Variants in ADAMTSL3 observed in about 807,000 individuals in gnomAD.
ADAMTSL3 encodes the protein ADAMTS like 3.
ADAMTSL3 carries 128 observed loss-of-function variants against 201.7 expected under a neutral mutation model. That is an observed-to-expected ratio of 0.63 (90% CI 0.55 to 0.73). The LOEUF is 0.73. Ranked by LOEUF, ADAMTSL3 falls within the 30% of genes least tolerant of loss-of-function variation. The pLI is 0.00. For missense variants in ADAMTSL3, 1,990 were observed against 2,119.6 expected, an observed-to-expected ratio of 0.94 and a Z score of 1.20; for synonymous variants, 738 against 748.4, an observed-to-expected ratio of 0.99 and a Z score of 0.23.
chr15:83,910,533 G>T (rs554697867), intron 15 of ADAMTSL3, among the ~76,000 whole-genome samples: 54 of 148,876 alleles, frequency 3.6e-4, no homozygotes, highest in Non-Finnish European at 5.8e-4. Context: ...CTTTTTAACA[G>T]GACTTTTAAA....
intron 3 of ADAMTSL3, among the ~76,000 whole-genome samples, chr15:83,716,339 C>G (rs1435437428): frequency 9.9e-6 from 1 of 100,894 alleles, no homozygotes; most frequent in Non-Finnish European, 1.8e-5. Context: ...CCTGTCTCTA[C>G]TAAAAACACA....
At chr15:84,008,535 T>C (rs1280047639) in intron 23 of ADAMTSL3, among the ~76,000 whole-genome samples, 2 of 152,166 alleles carry the variant, frequency 1.3e-5, no homozygotes, top group African/African-American at 4.8e-5. Context: ...GTAGCCTCCT[T>C]TGTCCCACCT....
intron 24 of ADAMTSL3, among the ~76,000 whole-genome samples, chr15:84,015,109 CTAATTTTTGTATTTT>C: frequency 6.6e-6 from 1 of 152,122 alleles, no homozygotes; most frequent in South Asian, 2.1e-4. Context: ...CCATGCCCAG[CTAATTTTTGTATTTT>C]TAGTAGAGAT....
chr15:83,968,869 T>C (rs924826788), intron 19 of ADAMTSL3, among the ~76,000 whole-genome samples: 4 of 152,198 alleles, frequency 2.6e-5, no homozygotes, highest in Non-Finnish European at 5.9e-5. Flanking sequence ...TGGATGGAAC[T>C]GGAGACCATC....
intron 3 of ADAMTSL3, among the ~76,000 whole-genome samples, chr15:83,739,571 C>T (rs1044853466): frequency 2.0e-5 from 3 of 151,378 alleles, no homozygotes; most frequent in African/African-American, 4.9e-5. Context: ...TATCTTTTTA[C>T]GTATATGAAA....
Position 84,014,704 on chromosome 15 carries a change from C to G in ADAMTSL3, c.4136C>G (p.Thr1379Arg). 1 of 1,611,488 alleles carries G rather than the reference C, an allele frequency of 6.2e-7. No homozygotes were observed. Among genetic ancestry groups the G allele is most frequent in the South Asian group, 1.1e-5 (1 of 90,408 alleles). ...AATGCTCTTGGAAAGGCAGTGGCAA[C>G]ATCTGTACTCCACTTGCTGGGTAAG... is the stretch of plus-strand genomic sequence containing the variant. ...ATNALGKAVA[T>R]SVLHLLERRW... The change falls in exon 24 of 30, where the codon ACA (threonine) becomes AGA (arginine). Residue 1379 changes from threonine to arginine, a missense_variant. Coordinates refer to ENST00000286744, the MANE Select transcript of ADAMTSL3 (RefSeq NM_207517.3).
intron 3 of ADAMTSL3, among the ~76,000 whole-genome samples, chr15:83,710,468 C>T (rs2061919169): frequency 6.6e-6 from 1 of 152,090 alleles, no homozygotes. Flanking sequence ...GTCCTCCAAC[C>T]TCCCTCCCCC....
At chr15:83,884,866 A>T (rs952527282) in intron 9 of ADAMTSL3, among the ~76,000 whole-genome samples, 4 of 152,140 alleles carry the variant, frequency 2.6e-5, no homozygotes, top group Non-Finnish European at 5.9e-5. Flanking sequence ...ACAGGCATGG[A>T]ATTATCTGGA....
intron 6 of ADAMTSL3, among the ~76,000 whole-genome samples, chr15:83,835,784 TG>T (rs1240719281): frequency 6.6e-6 from 1 of 152,364 alleles, no homozygotes; most frequent in Non-Finnish European, 1.5e-5. Context: ...TACTTGTAAA[TG>T]TTAATTTAAT....
In ADAMTSL3 at chr15:83,823,972, T is replaced by TCTC. The variant is rs1186674867; in HGVS notation, c.600+3943_600+3945dup. On this transcript the variant is annotated intron_variant, in intron 6 of 29. Coordinates refer to ENST00000286744, the MANE Select transcript of ADAMTSL3 (RefSeq NM_207517.3). ...TTCTTCTTCTTCTTCTTCTTCTTCT[T>TCTC]CTCCTCCTCCTCCTCCTCCTTCTCC... Among the ~76,000 whole-genome samples, 460 of 71,154 alleles carry TCTC rather than the reference T, an allele frequency of 6.5e-3. 18 individuals are homozygous for TCTC. Among genetic ancestry groups the TCTC allele is most frequent in the Non-Finnish European group, 8.3e-3 (233 of 28,044 alleles). 46.7% of individuals were successfully genotyped at this position (71,154 alleles called of 152,430 possible).
Position 83,890,240 on chromosome 15 carries a change from C to A in ADAMTSL3, c.1204C>A (p.Pro402Thr). 1 of 1,613,472 alleles carries A rather than the reference C, an allele frequency of 6.2e-7. No homozygotes were observed. Among genetic ancestry groups the A allele is most frequent in the South Asian group, 1.1e-5 (1 of 90,938 alleles). Residue 402 changes from proline (P) to threonine (T), a missense_variant, in exon 11 of 30, where the codon CCA becomes ACA. Physicochemically the swap from Pro to Thr is conservative, Grantham distance 38 (BLOSUM62 -1). Transcript: ENST00000286744. ...GAAGGAATGCAGCATGGATCCCTGCCCATCAAGGTTTGTGTCATTGTCCAC... is the reference window on the plus strand; with the variant it reads ...GAAGGAATGCAGCATGGATCCCTGCACATCAAGGTTTGTGTCATTGTCCAC... ...KLKECSMDPC[P>T]SSDGFKEIMP...
At chr15:83,915,019 CA>C (rs1263091157) in intron 16 of ADAMTSL3, among the ~76,000 whole-genome samples, 1 of 152,160 alleles carries the variant, frequency 6.6e-6, no homozygotes, top group African/African-American at 2.4e-5. Context: ...GTCCCCTATT[CA>C]GTCACAATAA....
At chr15:83,943,151 T>C in intron 19 of ADAMTSL3, 69 bp downstream of exon 19, 1 of 1,501,778 alleles carries the variant, frequency 6.7e-7, no homozygotes, top group Non-Finnish European at 8.9e-7. Context: ...TCTAAATATT[T>C]CCACAAGATC....
intron 19 of ADAMTSL3, among the ~76,000 whole-genome samples, chr15:83,956,483 A>G (rs2066863938): frequency 1.3e-5 from 2 of 152,262 alleles, no homozygotes; most frequent in African/African-American, 4.8e-5. Flanking sequence ...GGGGATGATC[A>G]ATGTAGCCTT....
At chr15:84,035,055 T>C (rs1379664080) in intron 28 of ADAMTSL3, among the ~76,000 whole-genome samples, 1 of 152,162 alleles carries the variant, frequency 6.6e-6, no homozygotes, top group South Asian at 2.1e-4. Flanking sequence ...TTTATTATGA[T>C]TTTTTCTACT....
At chr15:83,861,331 G>C (rs1290690944) in intron 8 of ADAMTSL3, among the ~76,000 whole-genome samples, 1 of 152,218 alleles carries the variant, frequency 6.6e-6, no homozygotes, top group African/African-American at 2.4e-5. Flanking sequence ...AGAATGGACA[G>C]ACTGCCTCCT....
chr15:83,990,392 T>C (rs1356877926), intron 22 of ADAMTSL3, among the ~76,000 whole-genome samples: 1 of 152,236 alleles, frequency 6.6e-6, no homozygotes, highest in African/African-American at 2.4e-5. Context: ...AATGCCTGTG[T>C]ACATCTCCTT....
At chr15:83,805,940 C>T (rs1384396776) in intron 5 of ADAMTSL3, among the ~76,000 whole-genome samples, 1 of 152,210 alleles carries the variant, frequency 6.6e-6, no homozygotes, top group Non-Finnish European at 1.5e-5. Context: ...GAGAACGCGG[C>T]AGTCCTCACA....
At chr15:83,871,901 G>GA (rs1379839718) in intron 9 of ADAMTSL3, among the ~76,000 whole-genome samples, 2 of 151,956 alleles carry the variant, frequency 1.3e-5, no homozygotes, top group Non-Finnish European at 2.9e-5. Flanking sequence ...TTTTCTGTAT[G>GA]AAAAAAACCC....
Sources: gnomAD v4.1 joint callset for allele counts (sites outside exome capture counted in the v4.1 genomes callset) on GRCh38, gnomAD v4.1.1 for gene constraint, MANE v1.5 for transcripts, NCBI Gene and HGNC (gene_info 2026-07-23, HGNC 2026-07-21) for gene names.